CDHR3: variants seen among roughly 807,000 people sequenced by gnomAD.
CDHR3 encodes cadherin related family member 3, also known as cadherin-related family member 3.
Under a neutral mutation model 86.6 loss-of-function variants are expected in CDHR3, and 79 were observed. That is an observed-to-expected ratio of 0.91 (90% CI 0.76 to 1.10). CDHR3 has a LOEUF of 1.10. Among genes scored for constraint, CDHR3 ranks in the 50% least tolerant of loss-of-function variants. CDHR3 has a pLI of 0.00. For synonymous variants in CDHR3, 421 were observed against 402.4 expected, an observed-to-expected ratio of 1.05 and a Z score of -0.55; for missense variants, 1,081 against 1,077.6, an observed-to-expected ratio of 1.00 and a Z score of -0.04.
chr7:105,981,843 T>C (rs1829786953), intron 3 of CDHR3, among the ~76,000 whole-genome samples: 1 of 151,774 alleles, frequency 6.6e-6, no homozygotes, highest in Admixed American at 6.6e-5. Flanking sequence ...AACTCCATCC[T>C]TCCTGTTGCT....
Position 106,017,958 on chromosome 7 carries a change from G to C in CDHR3, c.1539G>C (p.Trp513Cys), listed in dbSNP as rs753933141. ...GCCTCCAGTATCCAAATGTATTTTGGATTAATCCCAAGACAGGAGAACTCC... is the reference window on the plus strand; with the variant it reads ...GCCTCCAGTATCCAAATGTATTTTGCATTAATCCCAAGACAGGAGAACTCC... ...GASLQYPNVF[W>C]INPKTGELQL... The change falls in exon 12 of 19, where the codon TGG becomes TGC. Residue 513 changes from tryptophan (W) to cysteine (C), a missense_variant. Trp to Cys is a radical substitution (Grantham distance 215). Coordinates refer to ENST00000317716, the MANE Select transcript of CDHR3 (RefSeq NM_152750.5). The C allele has an allele frequency of 5.0e-6, 8 of 1,613,734 alleles. No individual in the cohort carries two copies. The highest frequency in any genetic ancestry group is 2.5e-6 in the Non-Finnish European group (3 of 1,179,804).
At chr7:105,963,454 C>A in intron 1 of CDHR3, 90 bp downstream of exon 1, 2 of 1,382,448 alleles carry the variant, frequency 1.4e-6, no homozygotes, top group Non-Finnish European at 2.1e-6. Context: ...AAGGAAATTG[C>A]CCCTGGGAGG....
In CDHR3 at chr7:105,971,473, A is replaced by G. The variant is rs542434097; in HGVS notation, c.47-3371A>G. ...ACTGCCATTCAAAATATGACCATTC[A>G]AGGAGGACGATAAAAAACACTCTGA... is the stretch of plus-strand genomic sequence containing the variant. On this transcript the variant is annotated intron_variant, in intron 1 of 18. Transcript: ENST00000317716. Among the ~76,000 whole-genome samples, 9 of 152,316 alleles carry G rather than the reference A, an allele frequency of 5.9e-5. No homozygotes were observed. In the South Asian group the frequency reaches 1.7e-3, roughly 28 times the overall value.
At chr7:105,964,536 A>G (rs2115575121) in intron 1 of CDHR3, among the ~76,000 whole-genome samples, 1 of 152,050 alleles carries the variant, frequency 6.6e-6, no homozygotes. Flanking sequence ...CTTGTTTCCC[A>G]TTAAGCATGA....
intron 3 of CDHR3, 113 bp downstream of exon 3, chr7:105,981,246 G>C: frequency 2.0e-6 from 2 of 1,019,536 alleles, no homozygotes; most frequent in South Asian, 3.5e-5. Context: ...CCCTGGAAAA[G>C]GCAGCTGCTT....
intron 18 of CDHR3, among the ~76,000 whole-genome samples, chr7:106,031,755 A>G (rs561407756): frequency 2.0e-5 from 3 of 152,130 alleles, no homozygotes; most frequent in African/African-American, 7.2e-5. Flanking sequence ...GCTCTTCCAG[A>G]GCAAAAGGGG....
chr7:105,975,158 C>T (rs1828606538), intron 2 of CDHR3, 112 bp downstream of exon 2: 2 of 958,218 alleles, frequency 2.1e-6, no homozygotes, highest in African/African-American at 1.6e-5. Context: ...TTAATCTTCC[C>T]TCTTGTAAGG....
chr7:106,017,353 T>C (rs1156252840), intron 11 of CDHR3, among the ~76,000 whole-genome samples: 1 of 152,018 alleles, frequency 6.6e-6, no homozygotes, highest in Non-Finnish European at 1.5e-5. Context: ...GGTCAGGAGA[T>C]CGAAACCAGC....
intron 4 of CDHR3, among the ~76,000 whole-genome samples, chr7:105,985,481 T>G (rs1024384779): frequency 1.6e-4 from 24 of 152,246 alleles, no homozygotes; most frequent in African/African-American, 5.8e-4. Context: ...TTCTACTGTT[T>G]GCTGCATGAT....
chr7:105,996,888 G>T (rs193051853), intron 6 of CDHR3, among the ~76,000 whole-genome samples: 15 of 152,212 alleles, frequency 9.9e-5, no homozygotes, highest in Non-Finnish European at 1.9e-4. Context: ...AGGTGGGAAG[G>T]GTAAATGCAT....
At chr7:106,019,472 G>C (rs1283982061) in intron 12 of CDHR3, among the ~76,000 whole-genome samples, 2 of 151,798 alleles carry the variant, frequency 1.3e-5, no homozygotes, top group African/African-American at 4.8e-5. Context: ...CCCGGGCTCA[G>C]AAATAGCTGA....
chr7:105,996,079 G>T (rs1694490763), intron 5 of CDHR3, among the ~76,000 whole-genome samples, 171 bp from the exon 6 acceptor site: 1 of 152,154 alleles, frequency 6.6e-6, no homozygotes, highest in Non-Finnish European at 1.5e-5. Context: ...TTGGAGACGG[G>T]GGGAGAAAGG....
At chr7:105,975,135 T>C in intron 2 of CDHR3, 89 bp downstream of exon 2, 1 of 1,105,914 alleles carries the variant, frequency 9.0e-7, no homozygotes, top group East Asian at 2.4e-5. Context: ...AGTGATTAAT[T>C]CCTCCATCTG....
intron 3 of CDHR3, among the ~76,000 whole-genome samples, chr7:105,982,982 CAAAA>C (rs57923583): frequency 2.1e-4 from 27 of 130,606 alleles, no homozygotes; most frequent in Admixed American, 3.9e-4. Flanking sequence ...GACCCTATCT[CAAAA>C]AAAAAAAAAA....
At chr7:106,013,103 C>A in intron 9 of CDHR3, 72 bp downstream of exon 9, 1 of 1,386,014 alleles carries the variant, frequency 7.2e-7, no homozygotes, top group Non-Finnish European at 9.7e-7. Context: ...CTTTTGCTGC[C>A]CCATAGAGAG....
intron 4 of CDHR3, among the ~76,000 whole-genome samples, chr7:105,991,880 A>G (rs1376533381): frequency 1.3e-5 from 2 of 152,194 alleles, no homozygotes; most frequent in African/African-American, 4.8e-5. Context: ...TTGTTCTAGC[A>G]CTTTATATGA....
intron 4 of CDHR3, among the ~76,000 whole-genome samples, chr7:105,993,753 C>T (rs998949063): frequency 6.6e-6 from 1 of 151,100 alleles, no homozygotes; most frequent in African/African-American, 2.4e-5. Flanking sequence ...GATCCAGGCT[C>T]TTCCCCTGTT....
intron 1 of CDHR3, among the ~76,000 whole-genome samples, chr7:105,972,209 G>T (rs905266492): frequency 2.5e-4 from 38 of 152,164 alleles, no homozygotes; most frequent in African/African-American, 9.2e-4. Context: ...TACCTATGTC[G>T]GAGGATTGTG....
At chr7:105,997,343 C>T (rs569740894) in intron 6 of CDHR3, among the ~76,000 whole-genome samples, 247 of 152,146 alleles carry the variant, frequency 1.6e-3, no homozygotes, top group African/African-American at 5.7e-3. Flanking sequence ...TCAAAGAATG[C>T]GTCTGCTCCA....
Sources: gnomAD v4.1 joint callset for allele counts (sites outside exome capture counted in the v4.1 genomes callset) on GRCh38, gnomAD v4.1.1 for gene constraint, MANE v1.5 for transcripts, NCBI Gene and HGNC (gene_info 2026-07-23, HGNC 2026-07-21) for gene names.